Variants in NEIL3 observed in about 807,000 individuals in gnomAD.
The protein encoded by NEIL3 is endonuclease 8-like 3.
Under a neutral mutation model 57.5 loss-of-function variants are expected in NEIL3, and 48 were observed. That is an observed-to-expected ratio of 0.83 (90% CI 0.66 to 1.06). The LOEUF is 1.06. NEIL3 is among the 50% of genes least tolerant of loss of function. NEIL3 has a pLI of 0.00. For synonymous variants in NEIL3, 261 were observed against 253.2 expected (o/e 1.03, Z -0.29); for missense variants, 717 against 739.1 (o/e 0.97, Z 0.35).
At chr4:177,310,674 A>C (rs555124208) in intron 1 of NEIL3, among the ~76,000 whole-genome samples, 1 of 152,292 alleles carries the variant, frequency 6.6e-6, no homozygotes, top group South Asian at 2.1e-4. Context: ...AAGTGAATTT[A>C]TTTCTTTTTA....
Position 177,362,558 on chromosome 4 carries a change from C to A in NEIL3, c.*87C>A, listed in dbSNP as rs1057063912. The stretch of plus-strand genomic sequence containing the variant: ...GTTTCATAGAAAAGTCATAGAATAT[C>A]TATGATACATTGAAAAGTTACTGCA... On this transcript the variant is annotated 3_prime_UTR_variant, in exon 10 of 10. Transcript: ENST00000264596. 1.0e-6 allele frequency: 1 copy of A among 954,594 alleles called. No homozygotes were observed. Among genetic ancestry groups the A allele is most frequent in the Non-Finnish European group, 1.5e-6 (1 of 665,398 alleles). The allele number at this position is 954,594 out of a possible 1,614,324, so 59.1% of individuals were successfully genotyped here.
chr4:177,334,107 C>A (rs1016215703), intron 2 of NEIL3, among the ~76,000 whole-genome samples: 2 of 150,884 alleles, frequency 1.3e-5, no homozygotes, highest in African/African-American at 4.9e-5. Context: ...CTAAAAATGT[C>A]TTTTCTTTAT....
At chr4:177,320,824 A>G (rs1354087571) in intron 1 of NEIL3, among the ~76,000 whole-genome samples, 3 of 152,002 alleles carry the variant, frequency 2.0e-5, no homozygotes, top group Admixed American at 6.6e-5. Context: ...TAAGCCAGTG[A>G]TTGATTCTCC....
chr4:177,330,175 G>A (rs1734855264), intron 2 of NEIL3, among the ~76,000 whole-genome samples: 1 of 152,088 alleles, frequency 6.6e-6, no homozygotes. Flanking sequence ...GCCTCCCAAA[G>A]TGCTGGGATT....
At chr4:177,367,402 A>G (rs1370239412), downstream of NEIL3, among the ~76,000 whole-genome samples, 1 of 151,764 alleles carries the variant, frequency 6.6e-6, no homozygotes, top group Non-Finnish European at 1.5e-5. Context: ...CTTTCTTCTG[A>G]TGCTGCTGTG....
At chr4:177,333,133 T>C (rs1234220756) in intron 2 of NEIL3, among the ~76,000 whole-genome samples, 1 of 152,246 alleles carries the variant, frequency 6.6e-6, no homozygotes, top group South Asian at 2.1e-4. Context: ...CACTCTTTAT[T>C]ACCCTTAGGA....
At position 177,336,122 on chromosome 4, in the gene NEIL3, G is replaced by A; in HGVS notation, c.428G>A (p.Ser143Asn). ...SSVELRNSME[S>N]QQRIRMMKEL... ...CCTTTCTATAGAAACTCAATGGAAAGCCAACAGAGAATAAGAATGATGAAA... is the reference window on the plus strand; with the variant it reads ...CCTTTCTATAGAAACTCAATGGAAAACCAACAGAGAATAAGAATGATGAAA... Residue 143 changes from serine (S) to asparagine (N), a missense_variant, in exon 4 of 10, where the codon AGC becomes AAC. Physicochemically the swap from Ser to Asn is conservative, Grantham distance 46 (BLOSUM62 1). Transcript: ENST00000264596. The A allele has an allele frequency of 1.2e-6, 2 of 1,610,858 alleles. No individual in the cohort carries two copies. Among genetic ancestry groups the A allele is most frequent in the Non-Finnish European group, 1.7e-6 (2 of 1,177,040 alleles).
At chr4:177,325,995 T>A (rs77536707) in intron 2 of NEIL3, among the ~76,000 whole-genome samples, 6,729 of 152,222 alleles carry the variant, frequency 0.044, 306 homozygotes, top group East Asian at 0.28. Context: ...CTATGGCTTT[T>A]CTCTTCATTT....
At position 177,353,319 on chromosome 4, in the gene NEIL3, A is replaced by G; in HGVS notation, c.1051A>G (p.Lys351Glu). The change falls in exon 8 of 10, where the codon AAG becomes GAG. Residue 351 changes from lysine to glutamate, a missense_variant. Transcript: ENST00000264596. ...CTCTCTCCTTCCAGATTCAGTGCTC[A>G]AGAGTGAAGAAAATTCTACTGTCTT... ...LTSRPIDSVL[K>E]SEENSTVFSH... is the part of the protein sequence containing the mutation. 1 of 1,612,352 alleles carries G rather than the reference A, an allele frequency of 6.2e-7. No individual in the cohort carries two copies. The highest frequency in any genetic ancestry group is 1.7e-4 in the Middle Eastern group (1 of 6,050).
At chr4:177,359,677 G>T (rs1735568399) in intron 8 of NEIL3, among the ~76,000 whole-genome samples, 1 of 152,032 alleles carries the variant, frequency 6.6e-6, no homozygotes, top group Admixed American at 6.6e-5. Context: ...TAATGAATGT[G>T]AACACTTTCT....
At chr4:177,367,115 AT>A (rs368165732), downstream of NEIL3, among the ~76,000 whole-genome samples, 154 of 152,250 alleles carry the variant, frequency 1.0e-3, no homozygotes, top group African/African-American at 3.6e-3. Flanking sequence ...TAAAATTGAG[AT>A]AATCCCCAAA....
At chr4:177,362,038 A>T (rs973529606) in intron 9 of NEIL3, among the ~76,000 whole-genome samples, 5 of 152,196 alleles carry the variant, frequency 3.3e-5, no homozygotes, top group African/African-American at 1.2e-4. Context: ...CTGTAAATAT[A>T]CCTTTAGATA....
chr4:177,354,438 G>A (rs1735431455), intron 8 of NEIL3, among the ~76,000 whole-genome samples: 1 of 152,046 alleles, frequency 6.6e-6, no homozygotes, highest in South Asian at 2.1e-4. Flanking sequence ...TTTTATAAAA[G>A]TTTAGTAAGT....
intron 1 of NEIL3, among the ~76,000 whole-genome samples, chr4:177,312,022 A>C (rs1221608943): frequency 6.6e-6 from 1 of 152,218 alleles, no homozygotes; most frequent in Non-Finnish European, 1.5e-5. Flanking sequence ...TGAGAGTCCA[A>C]CCTAATGTTT....
intron 7 of NEIL3, 133 bp from the exon 8 acceptor site, chr4:177,353,175 G>T (rs909344279): frequency 2.9e-6 from 2 of 680,448 alleles, no homozygotes; most frequent in African/African-American, 3.7e-5. Flanking sequence ...AGCTAACTTT[G>T]TGTTATTAGT....
At chr4:177,318,253 G>A (rs1734611005) in intron 1 of NEIL3, among the ~76,000 whole-genome samples, 1 of 152,028 alleles carries the variant, frequency 6.6e-6, no homozygotes, top group African/African-American at 2.4e-5. Context: ...TTAATATTGG[G>A]GTAAAAAGAA....
intron 4 of NEIL3, among the ~76,000 whole-genome samples, chr4:177,337,796 G>GACCATCCTGGCCAACGTGGTGAA (rs1332743457): frequency 3.9e-5 from 6 of 152,192 alleles, no homozygotes; most frequent in South Asian, 2.1e-4. Context: ...CAAGAGGTGA[G>GACCATCCTGGCCAACGTGGTGAA]ACCATCCTGG....
At chr4:177,324,720 A>G (rs1330506554) in intron 2 of NEIL3, among the ~76,000 whole-genome samples, 1 of 152,210 alleles carries the variant, frequency 6.6e-6, no homozygotes, top group Non-Finnish European at 1.5e-5. Flanking sequence ...AAATGTAACA[A>G]GTACTCAGTA....
intron 6 of NEIL3, among the ~76,000 whole-genome samples, chr4:177,345,086 G>A (rs1013588871): frequency 6.6e-6 from 1 of 152,166 alleles, no homozygotes; most frequent in East Asian, 1.9e-4. Context: ...AATGTGGGAA[G>A]TAAATGGTAA....
Sources: gnomAD v4.1 joint callset for allele counts (sites outside exome capture counted in the v4.1 genomes callset) on GRCh38, gnomAD v4.1.1 for gene constraint, MANE v1.5 for transcripts, NCBI Gene and HGNC (gene_info 2026-07-23, HGNC 2026-07-21) for gene names.